USP6: variants seen among roughly 807,000 people sequenced by gnomAD.
The protein encoded by USP6 is ubiquitin carboxyl-terminal hydrolase 6.
Under a neutral mutation model 175.7 loss-of-function variants are expected in USP6, and 128 were observed. That is an observed-to-expected ratio of 0.73 (90% confidence interval 0.63 to 0.84). The LOEUF is 0.84. USP6 is among the 40% of genes least tolerant of loss of function. The pLI, the probability that USP6 is intolerant of heterozygous loss-of-function variation, is 0.00. For missense variants in USP6, 1,498 were observed against 1,760.3 expected (o/e 0.85, Z 2.67); for synonymous variants, 562 against 630.6 (o/e 0.89, Z 1.63).
intron 4 of USP6, among the ~76,000 whole-genome samples, chr17:5,123,326 C>T (rs1334572641): frequency 6.6e-6 from 1 of 151,940 alleles, no homozygotes; most frequent in Non-Finnish European, 1.5e-5. Flanking sequence ...GGCAGCGCCT[C>T]CCCGCCCGGG....
intron 29 of USP6, 41 bp from the exon 30 acceptor site, chr17:5,148,515 A>G (rs749203958): frequency 6.2e-7 from 1 of 1,606,670 alleles, no homozygotes; most frequent in African/African-American, 1.3e-5. Flanking sequence ...AGATGAAAAT[A>G]CCACAAGCTT....
chr17:5,171,680 G>T lies in USP6; in HGVS notation c.4047+1G>T, dbSNP rs1019252559. ...CTGTTATAATGACAGCAGCTGTGAG[G>T]TAAACATTCTCAATCTTTGAATGAA... On this transcript the variant is annotated splice_donor_variant, in intron 37 of 37. Coordinates refer to ENST00000574788, the MANE Select transcript of USP6 (RefSeq NM_001304284.2). LOFTEE classifies it high-confidence loss of function. 6.2e-7 allele frequency: 1 copy of T among 1,612,870 alleles called. No homozygotes were observed. The highest frequency in any genetic ancestry group is 1.3e-5 in the African/African-American group (1 of 74,868).
rs1256215900 is a variant in USP6 at position 5,116,432 on chromosome 17, A to C, written c.-2236A>C. 6.6e-6 allele frequency: 1 copy of C among 152,132 alleles called. No individual in the cohort carries two copies. The highest frequency in any genetic ancestry group is 1.9e-4 in the East Asian group (1 of 5,198). 9.4% of individuals were successfully genotyped at this position (152,132 alleles called of 1,614,324 possible). A position where few individuals can be genotyped will look rare whatever the true frequency, so the allele number is the denominator to read the frequency against. On this transcript the variant is annotated 5_prime_UTR_variant, in exon 1 of 38. The change abolishes an upstream ATG in the 5' untranslated region. Coordinates refer to ENST00000574788, the MANE Select transcript of USP6 (RefSeq NM_001304284.2). ...GGGAGAGGGGAAACACTTCTGGCCCATGTGAGCCGCCGTCTCGTGTGGTGT... is the reference window on the plus strand; with the variant it reads ...GGGAGAGGGGAAACACTTCTGGCCCCTGTGAGCCGCCGTCTCGTGTGGTGT...
chr17:5,170,589 C>T lies in USP6; in HGVS notation c.3628C>T (p.Pro1210Ser), dbSNP rs764811570. 122 of 1,612,476 alleles carry T rather than the reference C, an allele frequency of 7.6e-5. 3 individuals are homozygous for T. In the South Asian group the frequency reaches 1.0e-3, roughly 14 times the overall value. ...LGRSKGRLRLPQIGSKNKPSS... is the reference protein window; with the variant it reads ...LGRSKGRLRLSQIGSKNKPSS... Reference sequence around the variant, plus strand: ...GAGGAGCAAAGGGAGGCTCCGGCTGCCCCAGATTGGCAGCAAAAATAAGCC... The same window carrying T: ...GAGGAGCAAAGGGAGGCTCCGGCTGTCCCAGATTGGCAGCAAAAATAAGCC... The change falls in exon 36 of 38, where the codon CCC (proline) becomes TCC (serine). Residue 1210 changes from proline to serine, a missense_variant. By Grantham distance (74) the Pro-to-Ser change is moderately conservative. Coordinates refer to ENST00000574788, the MANE Select transcript of USP6 (RefSeq NM_001304284.2).
Position 5,170,691 on chromosome 17 carries a change from A to G in USP6, c.3730A>G (p.Ser1244Gly), listed in dbSNP as rs373631169. ...GATCTGTGAGCTGGCTGACGCCTTG[A>G]GCCGAGGGCATATGCGGGGGGGCAG... The part of the protein sequence containing the change: ...GQICELADAL[S>G]RGHMRGGSQP... Residue 1244 changes from serine (S) to glycine (G), a missense_variant, in exon 36 of 38, where the codon AGC becomes GGC. By Grantham distance (56) the Ser-to-Gly change is moderately conservative. Coordinates refer to ENST00000574788, the MANE Select transcript of USP6 (RefSeq NM_001304284.2). 1 of 1,613,840 alleles carries G rather than the reference A, an allele frequency of 6.2e-7. No homozygotes were observed. Among genetic ancestry groups the G allele is most frequent in the African/African-American group, 1.3e-5 (1 of 74,914 alleles).
intron 33 of USP6, among the ~76,000 whole-genome samples, chr17:5,166,132 C>A (rs1280190291): frequency 6.6e-6 from 1 of 152,062 alleles, no homozygotes; most frequent in Non-Finnish European, 1.5e-5. Flanking sequence ...TTTTGAAGCA[C>A]GTGTTTTTTC....
chr17:5,173,051 T>C lies in USP6; in HGVS notation c.*73T>C, dbSNP rs550374282. 3.9e-6 allele frequency: 6 copies of C among 1,549,762 alleles called. No homozygotes were observed. The highest frequency in any genetic ancestry group is 1.7e-4 in the Middle Eastern group (1 of 5,806). On this transcript the variant is annotated 3_prime_UTR_variant, in exon 38 of 38. Transcript: ENST00000574788. Reference sequence around the variant, plus strand: ...CCTTGTAGCTGATACTTGGCAAAAGTGTCACTGAAAGACAAGCTAAATGTA... The same window carrying C: ...CCTTGTAGCTGATACTTGGCAAAAGCGTCACTGAAAGACAAGCTAAATGTA...
In USP6 at chr17:5,133,843, C is replaced by T. The variant is rs375650863; in HGVS notation, c.385-44C>T. The T allele has an allele frequency of 2.2e-3, 3,504 of 1,584,350 alleles. 95 individuals carry two copies. In the South Asian group the frequency reaches 0.037, roughly 17 times the overall value. ...CTGCCATTTGGGGCAGGGAGTCTTCCATCTGTTCTGAGGCTGCTTCCTCCT... is the reference window on the plus strand; with the variant it reads ...CTGCCATTTGGGGCAGGGAGTCTTCTATCTGTTCTGAGGCTGCTTCCTCCT... On this transcript the variant is annotated intron_variant, in intron 14 of 37. Transcript: ENST00000574788.
intron 30 of USP6, among the ~76,000 whole-genome samples, chr17:5,150,686 G>T (rs1024222368): frequency 6.6e-6 from 1 of 151,858 alleles, no homozygotes; most frequent in East Asian, 1.9e-4. Flanking sequence ...GTAGAGATGG[G>T]GTTTCACCAT....
chr17:5,137,297 G>T (rs2073287335), intron 19 of USP6, 111 bp downstream of exon 19: 3 of 1,387,856 alleles, frequency 2.2e-6, no homozygotes, highest in South Asian at 2.3e-5. Context: ...GCTCAGGCGG[G>T]TCCCCGAAGG....
rs1446566154 is a variant in USP6 at position 5,147,188 on chromosome 17, C to T, written c.2425C>T (p.Gln809Ter). The T allele has an allele frequency of 6.2e-7, 1 of 1,611,818 alleles. No individual in the cohort carries two copies. The highest frequency in any genetic ancestry group is 8.5e-7 in the Non-Finnish European group (1 of 1,178,438). ...TCCAATTTCAGCTTCTAGTCCAACA[C>T]AAATAGGTAAGATAGAACTAGAACT... Reference protein sequence around the residue: ...SSPISASSPTQIDFSSSPSTN... With the variant: ...SSPISASSPT The change falls in exon 29 of 38, where the codon CAA (glutamine) becomes TAA (stop). Residue 809 changes from glutamine (Q) to a stop codon, truncating the protein, a stop_gained. Transcript: ENST00000574788. LOFTEE classifies it high-confidence loss of function.
chr17:5,155,431 GA>G lies in USP6; in HGVS notation c.2655del (p.Glu885AspfsTer19), dbSNP rs1352124121. ...TCGTTTGTACATACAGATGAGGACA[GA>G]ACTGTATTTCCTGTCACCTCAGGAG... ...IAVHRKMMRTELYFLSPQENR... is the reference protein window; with the variant it reads ...IAVHRKMMRTXLYFLSPQENR... On this transcript the variant is annotated frameshift_variant, in exon 31 of 38. Coordinates refer to ENST00000574788, the MANE Select transcript of USP6 (RefSeq NM_001304284.2). LOFTEE classifies it high-confidence loss of function. The G allele has an allele frequency of 1.9e-6, 3 of 1,613,880 alleles. No individual in the cohort carries two copies. The highest frequency in any genetic ancestry group is 2.7e-5 in the African/African-American group (2 of 74,924).
chr17:5,144,444 G>T (rs559776818), intron 25 of USP6, among the ~76,000 whole-genome samples: 1 of 151,508 alleles, frequency 6.6e-6, no homozygotes, highest in East Asian at 1.9e-4. Flanking sequence ...CTGAAGAACA[G>T]TTTGCTTACA....
intron 6 of USP6, chr17:5,126,726 A>G (rs1337509964): frequency 2.0e-5 from 3 of 151,540 alleles, no homozygotes; most frequent in African/African-American, 4.9e-5. Context: ...ATCTCGCTTC[A>G]TGCCACTGTT....
intron 33 of USP6, among the ~76,000 whole-genome samples, chr17:5,166,482 T>A (rs2074098999): frequency 6.6e-6 from 1 of 152,148 alleles, no homozygotes; most frequent in Non-Finnish European, 1.5e-5. Context: ...GTTCCCATCA[T>A]GAGTTTCAGG....
intron 22 of USP6, among the ~76,000 whole-genome samples, chr17:5,141,109 T>C (rs976065993): frequency 3.9e-5 from 6 of 152,184 alleles, no homozygotes; most frequent in African/African-American, 1.4e-4. Context: ...ATACTTACCA[T>C]TGTGTTACAG....
chr17:5,171,060 G>A, intron 36 of USP6, 145 bp downstream of exon 36: 3 of 1,088,570 alleles, frequency 2.8e-6, no homozygotes, highest in East Asian at 2.6e-5. Context: ...TGAAATCTGG[G>A]CTCACAGATG....
At chr17:5,120,551 C>T (rs766663375) in intron 2 of USP6, 76 bp from the exon 3 acceptor site, 13 of 351,538 alleles carry the variant, frequency 3.7e-5, no homozygotes, top group Admixed American at 7.9e-5. Context: ...CCTGTCTCTC[C>T]GAGGGAAAGA....
In USP6 at chr17:5,139,532, G is replaced by A. The variant is rs771672604; in HGVS notation, c.1356G>A (p.Lys452=). The A allele has an allele frequency of 6.2e-7, 1 of 1,613,852 alleles. No homozygotes were observed. The highest frequency in any genetic ancestry group is 2.2e-5 in the East Asian group (1 of 44,882). The change falls in exon 22 of 38, where the codon AAG becomes AAA. Residue 452 remains lysine (K), a synonymous_variant. Coordinates refer to ENST00000574788, the MANE Select transcript of USP6 (RefSeq NM_001304284.2). ...PQGSWRFLEW[K]SMPRLPTDLD... is the part of the protein sequence containing the mutation. ...GTTCCTGGAGATTCCTGGAGTGGAA[G>A]TCAATGCCCCGGCTCCCAACGGACC...
Sources: gnomAD v4.1 joint callset for allele counts (sites outside exome capture counted in the v4.1 genomes callset) on GRCh38, gnomAD v4.1.1 for gene constraint, MANE v1.5 for transcripts, NCBI Gene and HGNC (gene_info 2026-07-23, HGNC 2026-07-21) for gene names.